The following ENAH variants were observed in gnomAD, a reference collection of about 807,000 sequenced individuals.
ENAH encodes the protein protein enabled homolog.
In ENAH, 23 loss-of-function variants were observed where a neutral mutation model predicts 78.7. That is an observed-to-expected ratio of 0.29 (90% CI 0.21 to 0.41). The LOEUF (loss-of-function observed/expected upper bound fraction) is 0.41, where lower values mean the gene tolerates loss of function less well. ENAH is among the 10% of genes least tolerant of loss of function. The pLI is 1.00. For missense variants in ENAH, 544 were observed against 691.0 expected, an observed-to-expected ratio of 0.79 and a Z score of 2.39; for synonymous variants, 226 against 241.0, an observed-to-expected ratio of 0.94 and a Z score of 0.58.
chr1:225,497,758 C>T lies in ENAH; in HGVS notation c.*17G>A. The T allele has an allele frequency of 6.2e-7, 1 of 1,609,560 alleles. No individual in the cohort carries two copies. The highest frequency in any genetic ancestry group is 8.5e-7 in the Non-Finnish European group (1 of 1,177,352). ...TTTCCTCCAGATTAAAGTCCTATCT[C>T]TCCTTAGTCTGTTCCTCTATGCAGT... On this transcript the variant is annotated 3_prime_UTR_variant, in exon 14 of 14. Coordinates refer to ENST00000366843, the MANE Select transcript of ENAH (RefSeq NM_018212.6).
At chr1:225,512,431 A>G (rs1195729542) in intron 9 of ENAH, among the ~76,000 whole-genome samples, 1 of 152,252 alleles carries the variant, frequency 6.6e-6, no homozygotes, top group Non-Finnish European at 1.5e-5. Flanking sequence ...TTGAACTTCA[A>G]TGCTTTTCCC....
chr1:225,503,680 AC>A (rs1470545626), intron 11 of ENAH, among the ~76,000 whole-genome samples: 5 of 138,112 alleles, frequency 3.6e-5, no homozygotes, highest in Admixed American at 1.4e-4. Context: ...AAAAAAAAAC[AC>A]AAAACTATTT....
intron 2 of ENAH, among the ~76,000 whole-genome samples, chr1:225,557,218 C>G (rs563705418): frequency 1.3e-5 from 2 of 152,124 alleles, no homozygotes; most frequent in Non-Finnish European, 2.9e-5. Flanking sequence ...TCTGAGGAGG[C>G]TCTTAAGTAT....
intron 1 of ENAH, among the ~76,000 whole-genome samples, chr1:225,585,401 A>C (rs2096841136): frequency 6.6e-6 from 1 of 152,176 alleles, no homozygotes; most frequent in African/African-American, 2.4e-5. Flanking sequence ...TTGATATTTT[A>C]AAGACACTAT....
At chr1:225,519,785 A>ACATTGCAC (rs1248072435) in intron 4 of ENAH, among the ~76,000 whole-genome samples, 1 of 152,238 alleles carries the variant, frequency 6.6e-6, no homozygotes, top group Admixed American at 6.5e-5. Context: ...ATGCTTCAGC[A>ACATTGCAC]CATTGCACTA....
chr1:225,524,417 A>G (rs2151209286), intron 4 of ENAH, among the ~76,000 whole-genome samples: 1 of 152,366 alleles, frequency 6.6e-6, no homozygotes, highest in East Asian at 1.9e-4. Context: ...CTGAGTTGGT[A>G]ATATTTAGTA....
At chr1:225,529,860 C>A (rs1342852746) in intron 4 of ENAH, among the ~76,000 whole-genome samples, 1 of 152,164 alleles carries the variant, frequency 6.6e-6, no homozygotes, top group Admixed American at 6.5e-5. Flanking sequence ...CCAGCTCCTC[C>A]CCTGTCCTCC....
chr1:225,558,710 T>A (rs2096682778), intron 2 of ENAH, among the ~76,000 whole-genome samples: 2 of 134,004 alleles, frequency 1.5e-5, no homozygotes, highest in Non-Finnish European at 3.1e-5. Context: ...CTCGGCTCAC[T>A]GCAAACTCCG....
intron 8 of ENAH, 43 bp downstream of exon 8, chr1:225,512,828 T>G: frequency 6.2e-7 from 1 of 1,609,216 alleles, no homozygotes; most frequent in Non-Finnish European, 8.5e-7. Context: ...ACAATTAAAA[T>G]CCTCTCAATT....
chr1:225,637,515 A>C (rs527294529), intron 1 of ENAH, among the ~76,000 whole-genome samples: 56 of 152,174 alleles, frequency 3.7e-4, no homozygotes, highest in African/African-American at 1.3e-3. Context: ...CCTTTTTTTC[A>C]GGAGAAAGTT....
chr1:225,543,391 A>T (rs2096598731), intron 3 of ENAH, among the ~76,000 whole-genome samples: 1 of 152,280 alleles, frequency 6.6e-6, no homozygotes, highest in African/African-American at 2.4e-5. Flanking sequence ...CATGAATGAC[A>T]ATGTAATAGC....
chr1:225,589,392 T>A (rs1363080792), intron 1 of ENAH, among the ~76,000 whole-genome samples: 1 of 152,192 alleles, frequency 6.6e-6, no homozygotes, highest in Non-Finnish European at 1.5e-5. Context: ...GACTACAACT[T>A]ACTTTTTATT....
chr1:225,561,737 A>C (rs2096707232), intron 2 of ENAH, among the ~76,000 whole-genome samples: 3 of 152,148 alleles, frequency 2.0e-5, no homozygotes, highest in Non-Finnish European at 2.9e-5. Flanking sequence ...CATAATCCTA[A>C]ATTCTGTGCT....
intron 11 of ENAH, among the ~76,000 whole-genome samples, chr1:225,507,267 G>A (rs1490874923): frequency 1.3e-5 from 2 of 151,946 alleles, no homozygotes; most frequent in Non-Finnish European, 2.9e-5. Flanking sequence ...ATTCAAAGAT[G>A]TATGTTTTAT....
intron 1 of ENAH, among the ~76,000 whole-genome samples, chr1:225,651,089 C>G (rs1041302088): frequency 6.6e-6 from 1 of 151,844 alleles, no homozygotes; most frequent in African/African-American, 2.4e-5. Context: ...AAGTCATGCT[C>G]AAACATACGA....
intron 1 of ENAH, among the ~76,000 whole-genome samples, chr1:225,643,402 A>T (rs1434419307): frequency 1.3e-5 from 2 of 152,186 alleles, no homozygotes; most frequent in Non-Finnish European, 2.9e-5. Flanking sequence ...AAAAATAAAA[A>T]AAAAAACAAA....
chr1:225,570,855 C>G (rs1382367569), intron 1 of ENAH, among the ~76,000 whole-genome samples: 1 of 151,756 alleles, frequency 6.6e-6, no homozygotes, highest in South Asian at 2.1e-4. Context: ...CCCAGCTACT[C>G]GGGAGGCTGA....
chr1:225,531,783 G>C (rs1166044378), intron 3 of ENAH, among the ~76,000 whole-genome samples: 1 of 152,056 alleles, frequency 6.6e-6, no homozygotes, highest in Non-Finnish European at 1.5e-5. Context: ...CGGAAGTAAA[G>C]ATTTATTAGG....
At chr1:225,643,114 A>T (rs1233187323) in intron 1 of ENAH, among the ~76,000 whole-genome samples, 1 of 152,246 alleles carries the variant, frequency 6.6e-6, no homozygotes. Flanking sequence ...GAGCCAGGTC[A>T]CGCAAGACCT....
Sources: gnomAD v4.1 joint callset for allele counts (sites outside exome capture counted in the v4.1 genomes callset) on GRCh38, gnomAD v4.1.1 for gene constraint, MANE v1.5 for transcripts, NCBI Gene and HGNC (gene_info 2026-07-23, HGNC 2026-07-21) for gene names.